Variants in ARHGAP18 observed in about 807,000 individuals in gnomAD.
ARHGAP18 encodes the protein Rho GTPase activating protein 18, also known as rho GTPase-activating protein 18.
In ARHGAP18, 67 loss-of-function variants were observed where a neutral mutation model predicts 86.2. The ratio of observed to expected loss-of-function variants is 0.78; its 90% CI spans 0.64 to 0.95. The LOEUF (loss-of-function observed/expected upper bound fraction) is 0.95, where lower values mean the gene tolerates loss of function less well. Ranked by LOEUF, ARHGAP18 falls within the 40% of genes least tolerant of loss-of-function variation. The pLI, the probability that ARHGAP18 is intolerant of heterozygous loss-of-function variation, is 0.00. For synonymous variants in ARHGAP18, 283 were observed against 280.4 expected (o/e 1.01, Z -0.09); for missense variants, 691 against 780.4 (o/e 0.89, Z 1.37).
At chr6:129,642,786 T>G (rs1277772094) in intron 1 of ARHGAP18, among the ~76,000 whole-genome samples, 1 of 152,174 alleles carries the variant, frequency 6.6e-6, no homozygotes, top group Non-Finnish European at 1.5e-5. Context: ...TTCCATTTTA[T>G]TTTTGAAATC....
intron 1 of ARHGAP18, among the ~76,000 whole-genome samples, chr6:129,684,031 A>G (rs1438781154): frequency 6.6e-6 from 1 of 152,206 alleles, no homozygotes; most frequent in Non-Finnish European, 1.5e-5. Context: ...GTTGAAAAAT[A>G]AAGTACAGAT....
chr6:129,700,478 A>C (rs1287747258), intron 1 of ARHGAP18, among the ~76,000 whole-genome samples: 1 of 152,262 alleles, frequency 6.6e-6, no homozygotes, highest in African/African-American at 2.4e-5. Flanking sequence ...GTATTGAAAT[A>C]ATGTGAGCTA....
chr6:129,690,290 AAT>A (rs1774503847), intron 1 of ARHGAP18, among the ~76,000 whole-genome samples: 5 of 152,192 alleles, frequency 3.3e-5, no homozygotes, highest in Non-Finnish European at 7.3e-5. Context: ...TGCTGAACTA[AAT>A]ATATGTTTAT....
chr6:129,686,960 T>G (rs1005570640), intron 1 of ARHGAP18, among the ~76,000 whole-genome samples: 23 of 85,998 alleles, frequency 2.7e-4, no homozygotes, highest in Admixed American at 1.2e-3. Context: ...CTGGCTAATT[T>G]TTTTTTCTTT....
intron 1 of ARHGAP18, among the ~76,000 whole-genome samples, chr6:129,692,261 T>C (rs1584117421): frequency 6.6e-6 from 1 of 152,230 alleles, no homozygotes; most frequent in East Asian, 1.9e-4. Flanking sequence ...GCTTCCTTCC[T>C]TTCCTCTCCT....
intron 12 of ARHGAP18, among the ~76,000 whole-genome samples, chr6:129,593,929 G>A (rs377263550): frequency 9.2e-4 from 140 of 152,232 alleles, no homozygotes; most frequent in African/African-American, 3.2e-3. Context: ...AGTCTAGCAC[G>A]TCTTAATAAT....
intron 5 of ARHGAP18, among the ~76,000 whole-genome samples, chr6:129,628,000 G>C (rs1484696175): frequency 6.6e-6 from 1 of 152,140 alleles, no homozygotes; most frequent in Non-Finnish European, 1.5e-5. Context: ...GTGGGGGTAT[G>C]AATAGGTCAG....
At chr6:129,661,972 C>CCACACACA (rs5879958) in intron 1 of ARHGAP18, 3 of 883,654 alleles carry the variant, frequency 3.4e-6, no homozygotes, top group Non-Finnish European at 4.1e-6. Flanking sequence ...CCTGGTGTTG[C>CCACACACA]CACACACACA....
intron 1 of ARHGAP18, among the ~76,000 whole-genome samples, chr6:129,687,022 C>T (rs963595780): frequency 1.1e-4 from 16 of 140,862 alleles, no homozygotes; most frequent in Non-Finnish European, 2.3e-4. Flanking sequence ...CGAGGTTTCA[C>T]CATGTTGGCC....
intron 1 of ARHGAP18, among the ~76,000 whole-genome samples, chr6:129,660,890 G>T (rs1336034331): frequency 6.6e-6 from 1 of 151,928 alleles, no homozygotes; most frequent in Non-Finnish European, 1.5e-5. Flanking sequence ...TGGTGTGAGG[G>T]AGTATGCATG....
At chr6:129,646,019 G>C (rs1258302990) in intron 1 of ARHGAP18, among the ~76,000 whole-genome samples, 1 of 152,076 alleles carries the variant, frequency 6.6e-6, no homozygotes, top group African/African-American at 2.4e-5. Context: ...TATTTATTTT[G>C]TCATAGCAAA....
intron 10 of ARHGAP18, among the ~76,000 whole-genome samples, chr6:129,602,468 A>G (rs1334773509): frequency 2.0e-5 from 3 of 151,494 alleles, no homozygotes; most frequent in African/African-American, 7.3e-5. Context: ...AAAGGAAAAA[A>G]AGTATCTATC....
chr6:129,598,478 G>A (rs911814020), intron 12 of ARHGAP18, among the ~76,000 whole-genome samples: 2 of 152,190 alleles, frequency 1.3e-5, no homozygotes, highest in Non-Finnish European at 2.9e-5. Flanking sequence ...TGGTAGTAGG[G>A]AGGAGGTGGA....
intron 5 of ARHGAP18, among the ~76,000 whole-genome samples, chr6:129,625,323 A>G (rs1789366152): frequency 1.2e-5 from 1 of 83,326 alleles, no homozygotes; most frequent in Non-Finnish European, 2.0e-5. Context: ...TGTAATATAT[A>G]TGATATATGA....
chr6:129,578,494 C>A lies in ARHGAP18; in HGVS notation c.*19G>T. The A allele has an allele frequency of 1.3e-6, 2 of 1,596,486 alleles. No homozygotes were observed. Among genetic ancestry groups the A allele is most frequent in the South Asian group, 1.1e-5 (1 of 89,788 alleles). On this transcript the variant is annotated 3_prime_UTR_variant, in exon 15 of 15. Transcript: ENST00000368149. ...TTATGACAGAAGTCCACATGGTTAT[C>A]TGCAGCTTGTTAAGTCTTCTACAAT...
intron 1 of ARHGAP18, among the ~76,000 whole-genome samples, chr6:129,695,955 A>C (rs1474105362): frequency 6.6e-6 from 1 of 152,184 alleles, no homozygotes; most frequent in Admixed American, 6.5e-5. Context: ...AGATTTTAGT[A>C]ATAAGTATAG....
intron 4 of ARHGAP18, among the ~76,000 whole-genome samples, chr6:129,633,703 T>G (rs1773265653): frequency 6.6e-6 from 1 of 152,170 alleles, no homozygotes; most frequent in Admixed American, 6.5e-5. Flanking sequence ...GCTCTAAGCC[T>G]CAGTTCACTC....
intron 12 of ARHGAP18, among the ~76,000 whole-genome samples, chr6:129,592,636 T>C (rs1441373444): frequency 1.3e-5 from 2 of 152,160 alleles, no homozygotes; most frequent in Non-Finnish European, 2.9e-5. Context: ...GCATGGCATT[T>C]TGGACAGAAT....
At position 129,576,782 on chromosome 6, in the gene ARHGAP18, CTTTTA is replaced by C. The variant is rs1273122920; in HGVS notation, c.*1726_*1730del. ...AAAATGTTTTAAGCACTTAATTTTT[CTTTTA>C]TATTATTAATTGTTTTCAACCCACT... is the stretch of plus-strand genomic sequence containing the variant. On this transcript the variant is annotated 3_prime_UTR_variant, in exon 15 of 15. Transcript: ENST00000368149. 1 of 151,610 alleles carries C rather than the reference CTTTTA, an allele frequency of 6.6e-6. No homozygotes were observed. Among genetic ancestry groups the C allele is most frequent in the Non-Finnish European group, 1.5e-5 (1 of 67,910 alleles). The allele number at this position is 151,610 out of a possible 1,614,324, so 9.4% of individuals were successfully genotyped here.
Sources: gnomAD v4.1 joint callset for allele counts (sites outside exome capture counted in the v4.1 genomes callset) on GRCh38, gnomAD v4.1.1 for gene constraint, MANE v1.5 for transcripts, NCBI Gene and HGNC (gene_info 2026-07-23, HGNC 2026-07-21) for gene names.